Variants in TENM4 observed in about 807,000 individuals in gnomAD.
TENM4 encodes the protein teneurin-4.
In TENM4, 82 loss-of-function variants were observed where a neutral mutation model predicts 243.3. That is an observed-to-expected ratio of 0.34 (90% CI 0.28 to 0.40). The LOEUF is 0.40. TENM4 is among the 10% of genes least tolerant of loss of function. TENM4 has a pLI of 1.00. For synonymous variants in TENM4, 1,412 were observed against 1,456.3 expected, an observed-to-expected ratio of 0.97 and a Z score of 0.69; for missense variants, 3,138 against 3,673.3, an observed-to-expected ratio of 0.85 and a Z score of 3.77.
rs1275645549 is a variant in TENM4 at position 78,757,041 on chromosome 11, T to C, written c.2540-20A>G. ...GGCCATCTGCAGGAGTGACAGAGCA[T>C]GTGGTTTATATTGCTATGTTCAATC... On this transcript the variant is annotated intron_variant, in intron 18 of 33. Coordinates refer to ENST00000278550, the MANE Select transcript of TENM4 (RefSeq NM_001098816.3). 6.2e-7 allele frequency: 1 copy of C among 1,608,934 alleles called. No individual in the cohort carries two copies. Among genetic ancestry groups the C allele is most frequent in the East Asian group, 2.2e-5 (1 of 44,802 alleles).
intron 4 of TENM4, among the ~76,000 whole-genome samples, chr11:79,130,772 G>A (rs1255166028): frequency 4.6e-5 from 7 of 152,108 alleles, no homozygotes; most frequent in African/African-American, 1.4e-4. Flanking sequence ...GCAGTGAGCC[G>A]AGATTGCACC....
At position 78,666,717 on chromosome 11, in the gene TENM4, T is replaced by A. The variant is rs79526571; in HGVS notation, c.7408+2220A>T. Among the ~76,000 whole-genome samples the A allele has an allele frequency of 9.4e-3, 1,433 of 152,354 alleles. 22 individuals carry two copies. Among genetic ancestry groups the A allele is most frequent in the African/African-American group, 0.032 (1,324 of 41,580 alleles). ...TCTGTGGTCTACATCTGTGTGACTC[T>A]GGGCAAACCCTTCATTGCAGCCTTG... On this transcript the variant is annotated intron_variant, in intron 32 of 33. Coordinates refer to ENST00000278550, the MANE Select transcript of TENM4 (RefSeq NM_001098816.3).
intron 2 of TENM4, among the ~76,000 whole-genome samples, chr11:79,234,248 G>A (rs1243499098): frequency 6.6e-6 from 1 of 152,154 alleles, no homozygotes; most frequent in Non-Finnish European, 1.5e-5. Context: ...GAACAATGGG[G>A]AGAAAATTGC....
intron 6 of TENM4, among the ~76,000 whole-genome samples, chr11:79,026,946 C>T (rs1859095581): frequency 6.6e-6 from 1 of 152,084 alleles, no homozygotes; most frequent in South Asian, 2.1e-4. Flanking sequence ...AGAGAGAGTT[C>T]ATGTGAGTAA....
At chr11:78,819,016 A>G (rs915617266) in intron 12 of TENM4, among the ~76,000 whole-genome samples, 2 of 151,404 alleles carry the variant, frequency 1.3e-5, no homozygotes, top group African/African-American at 4.9e-5. Context: ...TTTCATCTGT[A>G]TTGGAATGCA....
chr11:78,861,461 C>T (rs150319488), intron 10 of TENM4, among the ~76,000 whole-genome samples: 22 of 152,348 alleles, frequency 1.4e-4, no homozygotes, highest in African/African-American at 4.8e-4. Context: ...AGGTCCCATT[C>T]ATGATTCCTC....
At chr11:78,847,442 TAGTCTCTG>T (rs1858423779) in intron 12 of TENM4, among the ~76,000 whole-genome samples, 1 of 152,224 alleles carries the variant, frequency 6.6e-6, no homozygotes, top group Non-Finnish European at 1.5e-5. Flanking sequence ...CTGGCAGGGC[TAGTCTCTG>T]AGTCTGCAGA....
intron 4 of TENM4, among the ~76,000 whole-genome samples, chr11:79,147,243 C>T (rs1319075491): frequency 6.6e-6 from 1 of 152,052 alleles, no homozygotes; most frequent in Non-Finnish European, 1.5e-5. Context: ...CAACACTCAC[C>T]ACCAGCCTTC....
chr11:79,140,988 A>G (rs557434128), intron 4 of TENM4, among the ~76,000 whole-genome samples: 2 of 152,142 alleles, frequency 1.3e-5, no homozygotes, highest in South Asian at 4.1e-4. Flanking sequence ...CCCTTGGACC[A>G]AAAGTACCAG....
At chr11:79,410,103 G>C (rs139590233) in intron 1 of TENM4, among the ~76,000 whole-genome samples, 1 of 152,158 alleles carries the variant, frequency 6.6e-6, no homozygotes, top group Non-Finnish European at 1.5e-5. Context: ...GTGTTGGGCC[G>C]CATTCAAAAC....
intron 4 of TENM4, among the ~76,000 whole-genome samples, chr11:79,139,183 AAT>A (rs1322448244): frequency 2.0e-3 from 124 of 63,390 alleles, no homozygotes; most frequent in African/African-American, 0.012. Context: ...AAATATATAA[AAT>A]ATATATTATA....
intron 28 of TENM4, among the ~76,000 whole-genome samples, chr11:78,700,150 A>G (rs1203929832): frequency 6.6e-6 from 1 of 152,206 alleles, no homozygotes; most frequent in South Asian, 2.1e-4. Flanking sequence ...TTAGAAACTG[A>G]TGCTTGATCA....
chr11:78,757,439 G>T (rs562063888), intron 18 of TENM4, among the ~76,000 whole-genome samples: 1 of 152,348 alleles, frequency 6.6e-6, no homozygotes, highest in South Asian at 2.1e-4. Context: ...GCCAAGTTAG[G>T]GAGTTTGAAT....
intron 2 of TENM4, among the ~76,000 whole-genome samples, chr11:79,223,908 T>A (rs663906): frequency 6.6e-6 from 1 of 152,090 alleles, no homozygotes; most frequent in Non-Finnish European, 1.5e-5. Context: ...CCAGGTACAC[T>A]GTGAGAATGT....
At chr11:79,278,893 C>T (rs1856106523) in intron 2 of TENM4, among the ~76,000 whole-genome samples, 1 of 152,286 alleles carries the variant, frequency 6.6e-6, no homozygotes, top group Middle Eastern at 3.4e-3. Flanking sequence ...TCTTCATCCT[C>T]CAGAAACCAA....
intron 19 of TENM4, among the ~76,000 whole-genome samples, chr11:78,745,181 A>G (rs1365149172): frequency 1.3e-5 from 2 of 151,748 alleles, no homozygotes; most frequent in East Asian, 3.9e-4. Context: ...ATAATACACA[A>G]CAAACCAGTG....
chr11:78,823,071 C>A (rs1484989675), intron 12 of TENM4, among the ~76,000 whole-genome samples: 1 of 152,218 alleles, frequency 6.6e-6, no homozygotes, highest in Non-Finnish European at 1.5e-5. Flanking sequence ...GCTGCGTCTC[C>A]CAGCGGTGCC....
intron 6 of TENM4, among the ~76,000 whole-genome samples, chr11:78,989,310 A>G (rs1190694063): frequency 6.6e-6 from 1 of 152,222 alleles, no homozygotes; most frequent in Admixed American, 6.5e-5. Context: ...AGCATCTAGA[A>G]ATATTTTTGG....
intron 1 of TENM4, among the ~76,000 whole-genome samples, chr11:79,409,115 T>C (rs868524207): frequency 4.3e-5 from 6 of 138,362 alleles, no homozygotes; most frequent in East Asian, 2.3e-4. Context: ...CGCGCGCGCG[T>C]GCGTGCACGC....
Sources: allele counts gnomAD v4.1 joint callset (sites outside exome capture counted in the v4.1 genomes callset), GRCh38; gene constraint gnomAD v4.1.1; transcripts MANE v1.5; gene names NCBI Gene and HGNC (gene_info 2026-07-23, HGNC 2026-07-21).